RANBP2: variants seen among roughly 807,000 people sequenced by gnomAD.
The protein encoded by RANBP2 is RAN binding protein 2.
A neutral mutation model predicts 303.6 loss-of-function variants in RANBP2; 57 were observed. That is an observed-to-expected ratio of 0.19 (90% CI 0.15 to 0.23). RANBP2 has a LOEUF of 0.23. Ranked by LOEUF, RANBP2 falls within the 10% of genes least tolerant of loss-of-function variation. The pLI is 1.00. For synonymous variants in RANBP2, 1,167 were observed against 1,301.5 expected (o/e 0.90, Z 2.23); for missense variants, 3,138 against 3,780.8 (o/e 0.83, Z 4.46).
At chr2:109,538,717 G>C in the RANBP2 span, among the ~76,000 whole-genome samples, 3 of 152,072 alleles carry the variant, frequency 2.0e-5, no homozygotes. Context: ...ACGGGGTTTC[G>C]CCATGTTGGC....
At chr2:109,518,975 GT>G in the RANBP2 span, among the ~76,000 whole-genome samples, 49 of 144,842 alleles carry the variant, frequency 3.4e-4, 1 homozygote, top group South Asian at 9.7e-3. Context: ...CTGGAGTGCA[GT>G]CATGCAATAT....
At chr2:109,534,524 A>G in the RANBP2 span, among the ~76,000 whole-genome samples, 1 of 152,224 alleles carries the variant, frequency 6.6e-6, no homozygotes, top group Non-Finnish European at 1.5e-5. Context: ...TCACACCTGT[A>G]ATCCCAGCAC....
At chr2:108,920,378 G>A in the RANBP2 span, among the ~76,000 whole-genome samples, 712 of 152,262 alleles carry the variant, frequency 4.7e-3, 5 homozygotes, top group African/African-American at 0.016. Context: ...GCAGGGCAAC[G>A]GGTTGACCTC....
chr2:108,785,908 C>A (rs1678598785), downstream of RANBP2: 1 of 152,090 alleles, frequency 6.6e-6, no homozygotes, highest in South Asian at 2.1e-4. Flanking sequence ...CATTTGGGAA[C>A]TTTAATCCAG....
the RANBP2 span, among the ~76,000 whole-genome samples, chr2:109,180,013 C>G: frequency 6.6e-6 from 1 of 152,088 alleles, no homozygotes; most frequent in Non-Finnish European, 1.5e-5. Context: ...CAGACCCATT[C>G]AAATTACCTC....
At chr2:109,148,797 T>C in the RANBP2 span, among the ~76,000 whole-genome samples, 1 of 152,206 alleles carries the variant, frequency 6.6e-6, no homozygotes, top group African/African-American at 2.4e-5. Context: ...GGTGTTCTTT[T>C]ATTTTTAGGT....
the RANBP2 span, among the ~76,000 whole-genome samples, chr2:109,337,933 C>T: frequency 5.9e-5 from 9 of 151,934 alleles, no homozygotes; most frequent in African/African-American, 9.7e-5. Flanking sequence ...GATTTTGCCA[C>T]GTTACCCCGG....
the RANBP2 span, among the ~76,000 whole-genome samples, chr2:109,574,993 A>C: frequency 6.6e-6 from 1 of 152,238 alleles, no homozygotes; most frequent in African/African-American, 2.4e-5. Flanking sequence ...TCCATCACAT[A>C]AGTTGAAAAT....
chr2:109,055,366 CTTTTTT>C, the RANBP2 span, among the ~76,000 whole-genome samples: 4 of 133,460 alleles, frequency 3.0e-5, no homozygotes, highest in Non-Finnish European at 6.2e-5. Flanking sequence ...TTTTTCTTTT[CTTTTTT>C]TTTTTTTTTG....
the RANBP2 span, among the ~76,000 whole-genome samples, chr2:109,153,781 C>A: frequency 6.6e-6 from 1 of 152,180 alleles, no homozygotes; most frequent in Non-Finnish European, 1.5e-5. Context: ...TTAACCACCC[C>A]CCGACCCCCG....
At chr2:109,112,885 T>C in the RANBP2 span, among the ~76,000 whole-genome samples, 1 of 152,190 alleles carries the variant, frequency 6.6e-6, no homozygotes, top group Non-Finnish European at 1.5e-5. Context: ...ATTTATTAAA[T>C]AGGGAATCCT....
chr2:108,839,454 TAAACC>T, the RANBP2 span, among the ~76,000 whole-genome samples: 2 of 152,206 alleles, frequency 1.3e-5, no homozygotes, highest in African/African-American at 4.8e-5. Context: ...GGAATTGTGT[TAAACC>T]TGTATATTAA....
At chr2:108,759,397 C>G (rs1676560922) in intron 18 of RANBP2, among the ~76,000 whole-genome samples, 1 of 152,102 alleles carries the variant, frequency 6.6e-6, no homozygotes, top group Non-Finnish European at 1.5e-5. Context: ...AAAGCACTTG[C>G]CAGTATAATA....
the RANBP2 span, among the ~76,000 whole-genome samples, chr2:108,811,983 C>G: frequency 6.6e-6 from 1 of 152,032 alleles, no homozygotes; most frequent in African/African-American, 2.4e-5. Flanking sequence ...GTATTCTATT[C>G]ATGGTGTATA....
chr2:109,000,773 ACCCTTACT>A, the RANBP2 span, among the ~76,000 whole-genome samples: 1 of 152,052 alleles, frequency 6.6e-6, no homozygotes, highest in Non-Finnish European at 1.5e-5. Flanking sequence ...ATCTCATACA[ACCCTTACT>A]GCAACCCTAT....
the RANBP2 span, among the ~76,000 whole-genome samples, chr2:108,925,879 G>A: frequency 3.3e-5 from 5 of 152,140 alleles, no homozygotes; most frequent in Admixed American, 3.3e-4. Flanking sequence ...GCATCCCAAA[G>A]TATTGGGATT....
At chr2:109,273,764 G>A in the RANBP2 span, among the ~76,000 whole-genome samples, 1 of 152,268 alleles carries the variant, frequency 6.6e-6, no homozygotes, top group Non-Finnish European at 1.5e-5. Flanking sequence ...CCTTTCATAT[G>A]GTGACAGGGT....
the RANBP2 span, among the ~76,000 whole-genome samples, chr2:109,513,173 T>C: frequency 6.6e-6 from 1 of 152,066 alleles, no homozygotes; most frequent in Admixed American, 6.6e-5. Flanking sequence ...TGGAATTTCT[T>C]CCCAAAAGAA....
At chr2:109,588,923 A>T in the RANBP2 span, among the ~76,000 whole-genome samples, 3 of 152,026 alleles carry the variant, frequency 2.0e-5, no homozygotes, top group Non-Finnish European at 4.4e-5. Flanking sequence ...AGTCATAAAA[A>T]TTCTCTATTA....
Sources: gnomAD v4.1 joint callset for allele counts (sites outside exome capture counted in the v4.1 genomes callset) on GRCh38, gnomAD v4.1.1 for gene constraint, MANE v1.5 for transcripts, NCBI Gene and HGNC (gene_info 2026-07-23, HGNC 2026-07-21) for gene names.